Variants in EXOC4 observed in about 807,000 individuals in gnomAD.
EXOC4 encodes exocyst complex component 4.
A neutral mutation model predicts 107.2 loss-of-function variants in EXOC4; 71 were observed. The observed-to-expected ratio is 0.66, with a 90% CI of 0.55 to 0.81. The LOEUF is 0.81. Among genes scored for constraint, EXOC4 ranks in the 30% least tolerant of loss-of-function variants. The probability of loss-of-function intolerance (pLI) is 0.00; values close to 1 mark genes in which losing one functional copy is unlikely to be tolerated. For missense variants in EXOC4, 1,108 were observed against 1,189.6 expected (o/e 0.93, Z 1.01); for synonymous variants, 456 against 441.2 (o/e 1.03, Z -0.42).
At chr7:134,008,366 G>A (rs542924149) in intron 17 of EXOC4, among the ~76,000 whole-genome samples, 88 of 152,074 alleles carry the variant, frequency 5.8e-4, no homozygotes, top group South Asian at 1.0e-3. Context: ...TTCCACGTTC[G>A]TTAATACTCC....
chr7:133,360,155 A>G (rs984056691), intron 6 of EXOC4, among the ~76,000 whole-genome samples: 5 of 152,134 alleles, frequency 3.3e-5, no homozygotes, highest in African/African-American at 1.2e-4. Context: ...AATTTCTTCA[A>G]CTCCTGCTGC....
chr7:133,884,524 A>G (rs572013782), intron 11 of EXOC4, among the ~76,000 whole-genome samples: 1 of 152,050 alleles, frequency 6.6e-6, no homozygotes, highest in South Asian at 2.1e-4. Flanking sequence ...TCAGCCACAC[A>G]GGATCATTCT....
At chr7:133,803,932 A>G (rs1274301487) in intron 10 of EXOC4, among the ~76,000 whole-genome samples, 1 of 152,200 alleles carries the variant, frequency 6.6e-6, no homozygotes, top group Non-Finnish European at 1.5e-5. Flanking sequence ...ATGGTAGCTC[A>G]GATGGCTTAA....
intron 11 of EXOC4, among the ~76,000 whole-genome samples, chr7:133,886,305 C>T (rs992240503): frequency 2.6e-5 from 4 of 152,142 alleles, no homozygotes; most frequent in Admixed American, 2.6e-4. Flanking sequence ...GGACCGGGAG[C>T]CAATTTTCTG....
At chr7:133,790,241 T>A (rs1242381789) in intron 10 of EXOC4, among the ~76,000 whole-genome samples, 1 of 152,142 alleles carries the variant, frequency 6.6e-6, no homozygotes, top group Non-Finnish European at 1.5e-5. Context: ...TGCAATAGGA[T>A]GTAGATGGGA....
intron 9 of EXOC4, among the ~76,000 whole-genome samples, chr7:133,489,858 T>C (rs953868798): frequency 6.6e-6 from 1 of 152,158 alleles, no homozygotes; most frequent in Non-Finnish European, 1.5e-5. Flanking sequence ...TCCAAATTCA[T>C]AGAGTCCCTG....
chr7:133,526,438 T>A (rs1800080088), intron 9 of EXOC4, among the ~76,000 whole-genome samples: 1 of 152,194 alleles, frequency 6.6e-6, no homozygotes, highest in Non-Finnish European at 1.5e-5. Context: ...TTGCAGAGAA[T>A]TCTTTAAAAA....
intron 7 of EXOC4, among the ~76,000 whole-genome samples, chr7:133,460,048 G>T (rs762217538): frequency 3.3e-4 from 50 of 152,162 alleles, no homozygotes; most frequent in Non-Finnish European, 6.2e-4. Context: ...TAGAGCAGTG[G>T]TCCCCAACCT....
At chr7:133,311,338 G>A (rs890305820) in intron 4 of EXOC4, among the ~76,000 whole-genome samples, 1 of 152,088 alleles carries the variant, frequency 6.6e-6, no homozygotes, top group Non-Finnish European at 1.5e-5. Context: ...AAAGAAAACA[G>A]TGCAGACATG....
At chr7:133,499,100 G>A (rs1799530625) in intron 9 of EXOC4, among the ~76,000 whole-genome samples, 2 of 107,268 alleles carry the variant, frequency 1.9e-5, no homozygotes, top group African/African-American at 3.7e-5. Context: ...ATTTTCTTGG[G>A]GGAGCTTTTT....
intron 7 of EXOC4, among the ~76,000 whole-genome samples, chr7:133,394,972 A>G (rs1796938432): frequency 6.6e-6 from 1 of 152,066 alleles, no homozygotes; most frequent in African/African-American, 2.4e-5. Context: ...GCTGTATTTG[A>G]GTCAGTTTAT....
chr7:133,857,166 A>T (rs1585202636), intron 11 of EXOC4, among the ~76,000 whole-genome samples: 1 of 13,348 alleles, frequency 7.5e-5, no homozygotes, highest in African/African-American at 4.5e-4. Context: ...ATATATATAT[A>T]TATATATATA....
At chr7:133,267,610 T>G (rs1487888164) in intron 1 of EXOC4, among the ~76,000 whole-genome samples, 1 of 152,162 alleles carries the variant, frequency 6.6e-6, no homozygotes, top group African/African-American at 2.4e-5. Context: ...CACTAGAACA[T>G]AAGCTTCATG....
At chr7:133,878,835 T>C (rs1373010337) in intron 11 of EXOC4, among the ~76,000 whole-genome samples, 3 of 152,156 alleles carry the variant, frequency 2.0e-5, no homozygotes, top group Admixed American at 2.0e-4. Flanking sequence ...GTGATTCTCC[T>C]GCGTCAGTCT....
intron 12 of EXOC4, among the ~76,000 whole-genome samples, chr7:133,902,552 A>G (rs1008880357): frequency 4.6e-5 from 7 of 152,174 alleles, no homozygotes; most frequent in African/African-American, 1.2e-4. Flanking sequence ...AATGTAATAC[A>G]TAAACATAAA....
intron 6 of EXOC4, among the ~76,000 whole-genome samples, chr7:133,357,709 G>C (rs1005242525): frequency 4.6e-5 from 7 of 152,064 alleles, no homozygotes; most frequent in African/African-American, 1.7e-4. Context: ...GTTCTCTATA[G>C]ACTTATTTAA....
At chr7:133,307,819 A>T (rs1794787230) in intron 4 of EXOC4, among the ~76,000 whole-genome samples, 1 of 152,206 alleles carries the variant, frequency 6.6e-6, no homozygotes, top group South Asian at 2.1e-4. Context: ...GGAGAAGGGT[A>T]AGAGACACAT....
intron 10 of EXOC4, among the ~76,000 whole-genome samples, chr7:133,752,763 C>T (rs1795820677): frequency 6.6e-6 from 1 of 152,202 alleles, no homozygotes; most frequent in Non-Finnish European, 1.5e-5. Flanking sequence ...GCACAAGTAA[C>T]TTGACTCAAC....
chr7:134,095,645 A>C, the EXOC4 span, among the ~76,000 whole-genome samples: 1 of 152,190 alleles, frequency 6.6e-6, no homozygotes, highest in African/African-American at 2.4e-5. Flanking sequence ...GAAACAGAAT[A>C]GAGAACCCAA....
Sources: gnomAD v4.1 joint callset for allele counts (sites outside exome capture counted in the v4.1 genomes callset) on GRCh38, gnomAD v4.1.1 for gene constraint, MANE v1.5 for transcripts, NCBI Gene and HGNC (gene_info 2026-07-23, HGNC 2026-07-21) for gene names.